CCDC7: variants seen among roughly 807,000 people sequenced by gnomAD.
CCDC7 encodes coiled-coil domain containing 7.
In CCDC7, 183 loss-of-function variants were observed where a neutral mutation model predicts 196.9. That is an observed-to-expected ratio of 0.93 (90% CI 0.82 to 1.05). The LOEUF (loss-of-function observed/expected upper bound fraction) is 1.05. Ranked by LOEUF, CCDC7 falls within the 50% of genes least tolerant of loss-of-function variation. The pLI, the probability that CCDC7 is intolerant of heterozygous loss-of-function variation, is 0.00. For missense variants in CCDC7, 1,540 were observed against 1,482.2 expected, an observed-to-expected ratio of 1.04 and a Z score of -0.64; for synonymous variants, 525 against 484.6, an observed-to-expected ratio of 1.08 and a Z score of -1.10.
rs1467318882 is a variant in CCDC7, at chr10:32,694,870, C to T, written c.2345-9C>T. The T allele has an allele frequency of 1.3e-6, 2 of 1,559,390 alleles. No individual in the cohort carries two copies. The highest frequency in any genetic ancestry group is 1.8e-6 in the Non-Finnish European group (2 of 1,142,172). On this transcript the variant is annotated splice_polypyrimidine_tract_variant and intron_variant, in intron 23 of 41. Coordinates refer to ENST00000639629, the Ensembl canonical transcript of CCDC7. ...TCCATTAAGAGACTAAATGCATCTCCTTATGTAGCTCATGATGAAGAACCA... is the reference window on the plus strand; with the variant it reads ...TCCATTAAGAGACTAAATGCATCTCTTTATGTAGCTCATGATGAAGAACCA...
At chr10:32,671,670 T>C (rs1275607487) in intron 21 of CCDC7, among the ~76,000 whole-genome samples, 1 of 152,206 alleles carries the variant, frequency 6.6e-6, no homozygotes, top group Non-Finnish European at 1.5e-5. Flanking sequence ...TGCTTTACAT[T>C]GATGTCTGCA....
chr10:32,779,851 T>G (rs139114892), intron 29 of CCDC7, among the ~76,000 whole-genome samples: 1,845 of 152,320 alleles, frequency 0.012, 122 homozygotes, highest in Admixed American at 0.11. Flanking sequence ...AAGAAAGTTT[T>G]GTGAAACTGT....
At chr10:32,788,903 G>C (rs986747888) in intron 29 of CCDC7, among the ~76,000 whole-genome samples, 3 of 152,152 alleles carry the variant, frequency 2.0e-5, no homozygotes, top group African/African-American at 7.2e-5. Context: ...CAGAATCATA[G>C]TGGATCCCAG....
Position 32,681,738 on chromosome 10 carries a change from TACACACACACACAC to T in CCDC7, c.2123-4198_2123-4185del, listed in dbSNP as rs57829018. 1.4e-3 allele frequency among the ~76,000 whole-genome samples: 190 copies of T among 137,630 alleles called. 2 individuals carry two copies. Among genetic ancestry groups the T allele is most frequent in the Admixed American group, 7.7e-3 (106 of 13,766 alleles). The allele number at this position is 137,630 out of a possible 152,430, so 90.3% of individuals were successfully genotyped here. On this transcript the variant is annotated intron_variant, in intron 21 of 41. Coordinates refer to ENST00000639629, the Ensembl canonical transcript of CCDC7. ...GGATTCTTCAGTGTATTTATATGTA[TACACACACACACAC>T]ACACACACACACACACACACACACA...
rs1256675423 is a variant in CCDC7 at position 32,608,535 on chromosome 10, TG to T, written c.1801+24232del. 3.3e-5 allele frequency among the ~76,000 whole-genome samples: 5 copies of T among 152,190 alleles called. No individual in the cohort carries two copies. In the South Asian group the frequency reaches 6.2e-4, roughly 19 times the overall value. ...GTTTTATGATTTTTTTTGACTTCCA[TG>T]TTTTTTTATTTTTTTATGTTTTTGA... On this transcript the variant is annotated intron_variant, in intron 18 of 41. Transcript: ENST00000639629.
intron 20 of CCDC7, among the ~76,000 whole-genome samples, chr10:32,659,142 C>T (rs542854792): frequency 6.6e-6 from 1 of 152,072 alleles, no homozygotes; most frequent in African/African-American, 2.4e-5. Context: ...GATTTGAGGT[C>T]TTTCTTTTTT....
At chr10:32,868,015 CTATT>C (rs2094269582) in intron 41 of CCDC7, among the ~76,000 whole-genome samples, 1 of 151,830 alleles carries the variant, frequency 6.6e-6, no homozygotes, top group South Asian at 2.1e-4. Context: ...GTAATCATAC[CTATT>C]TATTTCTTTG....
exon 39 of CCDC7, chr10:32,848,626 C>A (rs1387416191): frequency 3.3e-6 from 5 of 1,507,678 alleles, no homozygotes; most frequent in Non-Finnish European, 4.6e-6. Flanking sequence ...AAAGATATGT[C>A]CGTACAACGT....
intron 25 of CCDC7, among the ~76,000 whole-genome samples, chr10:32,717,036 T>C (rs1423444007): frequency 2.0e-5 from 3 of 152,164 alleles, no homozygotes; most frequent in South Asian, 2.1e-4. Flanking sequence ...GTGGACCTAA[T>C]AGACATCTAC....
At chr10:32,649,474 A>G (rs2068343667) in intron 20 of CCDC7, among the ~76,000 whole-genome samples, 1 of 152,194 alleles carries the variant, frequency 6.6e-6, no homozygotes, top group South Asian at 2.1e-4. Context: ...AATCCCTTTG[A>G]TGAATCTGAT....
chr10:32,595,277 GA>G, intron 18 of CCDC7, among the ~76,000 whole-genome samples: 1 of 152,268 alleles, frequency 6.6e-6, no homozygotes, highest in Middle Eastern at 3.4e-3. Flanking sequence ...TTAGTCTTGG[GA>G]GGGTATATGT....
chr10:32,655,900 G>A (rs1341531114), intron 20 of CCDC7, among the ~76,000 whole-genome samples: 5 of 151,950 alleles, frequency 3.3e-5, no homozygotes, highest in Admixed American at 2.0e-4. Context: ...TCTTTAAATT[G>A]GGTTGCTTCT....
At chr10:32,650,143 T>C (rs1240279244) in intron 20 of CCDC7, among the ~76,000 whole-genome samples, 1 of 152,182 alleles carries the variant, frequency 6.6e-6, no homozygotes, top group Non-Finnish European at 1.5e-5. Context: ...AGGACTAGTA[T>C]TCTTTTCATT....
chr10:32,688,940 A>C, intron 22 of CCDC7, 113 bp from the exon 24 acceptor site: 1 of 692,114 alleles, frequency 1.4e-6, no homozygotes, highest in South Asian at 1.7e-5. Flanking sequence ...TAATTTATTC[A>C]TAACTTTACA....
intron 18 of CCDC7, among the ~76,000 whole-genome samples, chr10:32,627,824 T>A (rs1214410749): frequency 6.6e-6 from 1 of 152,060 alleles, no homozygotes; most frequent in Non-Finnish European, 1.5e-5. Flanking sequence ...TTTATTGATT[T>A]GTATGTATTG....
chr10:32,600,027 A>G (rs558144357), intron 18 of CCDC7, among the ~76,000 whole-genome samples: 134 of 152,136 alleles, frequency 8.8e-4, no homozygotes, highest in African/African-American at 3.1e-3. Flanking sequence ...TGCCAGTACC[A>G]TGCTGTTTTG....
chr10:32,758,182 C>A (rs1448146597), intron 28 of CCDC7, among the ~76,000 whole-genome samples: 3 of 152,164 alleles, frequency 2.0e-5, no homozygotes, highest in Non-Finnish European at 4.4e-5. Flanking sequence ...CAAAAAGGGG[C>A]TGGGACCATT....
chr10:32,617,139 C>CT (rs146637821), intron 18 of CCDC7, among the ~76,000 whole-genome samples: 4,258 of 151,806 alleles, frequency 0.028, 216 homozygotes, highest in African/African-American at 0.097. Flanking sequence ...ATTGTAATAT[C>CT]TTTTTTCATT....
chr10:32,787,300 G>A lies in CCDC7; in HGVS notation c.3013+8216G>A, dbSNP rs180939066. On this transcript the variant is annotated intron_variant, in intron 29 of 41. Coordinates refer to ENST00000639629, the Ensembl canonical transcript of CCDC7. ...TGTCAAAATGCAAAGACAGCCCTAT[G>A]GAATGACATCAGCAAGATGGCAGAA... is the stretch of plus-strand genomic sequence containing the variant. Among the ~76,000 whole-genome samples the A allele has an allele frequency of 9.4e-4, 142 of 150,750 alleles. 2 individuals carry two copies. The highest frequency in any genetic ancestry group is 4.2e-4 in the South Asian group (2 of 4,762).
Sources: gnomAD v4.1 joint callset for allele counts (sites outside exome capture counted in the v4.1 genomes callset) on GRCh38, gnomAD v4.1.1 for gene constraint, MANE v1.5 for transcripts, NCBI Gene and HGNC (gene_info 2026-07-23, HGNC 2026-07-21) for gene names.